Variants in MTX2 observed in about 807,000 individuals in gnomAD.
The protein encoded by MTX2 is metaxin 2, also known as metaxin-2.
A neutral mutation model predicts 42.3 loss-of-function variants in MTX2; 35 were observed. The ratio of observed to expected loss-of-function variants is 0.83; its 90% CI spans 0.63 to 1.10. The LOEUF (loss-of-function observed/expected upper bound fraction) is 1.10, where lower values mean the gene tolerates loss of function less well. Among genes scored for constraint, MTX2 ranks in the 50% least tolerant of loss-of-function variants. The pLI is 0.00. For missense variants in MTX2, 307 were observed against 304.1 expected (o/e 1.01, Z -0.07); for synonymous variants, 119 against 100.9 (o/e 1.18, Z -1.08).
At chr2:176,311,685 C>T (rs928601053) in intron 3 of MTX2, among the ~76,000 whole-genome samples, 1 of 152,238 alleles carries the variant, frequency 6.6e-6, no homozygotes, top group African/African-American at 2.4e-5. Flanking sequence ...GAGCAAGGCT[C>T]TGTGGGCGTG....
intron 3 of MTX2, among the ~76,000 whole-genome samples, chr2:176,312,718 C>G (rs1684343970): frequency 6.6e-6 from 1 of 151,652 alleles, no homozygotes; most frequent in African/African-American, 2.4e-5. Context: ...AAAAAATTAG[C>G]CAGGGGTGGT....
At position 176,322,665 on chromosome 2, in the gene MTX2, A is replaced by C. The variant is rs552934367; in HGVS notation, c.136-727A>C. On this transcript the variant is annotated intron_variant, in intron 3 of 9. Transcript: ENST00000249442. ...TAAAAATGAATTAGTGTGATCTAGT[A>C]ATAGAGTTTTGCATTTTTTTACTTA... Among the ~76,000 whole-genome samples, 3 of 152,094 alleles carry C rather than the reference A, an allele frequency of 2.0e-5. No homozygotes were observed. The South Asian group carries it at 6.2e-4, about 32-fold the overall frequency.
intron 9 of MTX2, among the ~76,000 whole-genome samples, chr2:176,336,743 AT>A (rs905387734): frequency 6.6e-6 from 1 of 152,068 alleles, no homozygotes; most frequent in Non-Finnish European, 1.5e-5. Context: ...AGCAAATCAT[AT>A]TTTTTTTCCA....
At chr2:176,316,525 C>T (rs1174070131) in intron 3 of MTX2, among the ~76,000 whole-genome samples, 6 of 152,100 alleles carry the variant, frequency 3.9e-5, no homozygotes, top group Admixed American at 3.9e-4. Context: ...CCTCAGCCTC[C>T]CAAGTAGCTG....
At chr2:176,290,422 CA>C (rs1693300811) in intron 1 of MTX2, among the ~76,000 whole-genome samples, 1 of 152,018 alleles carries the variant, frequency 6.6e-6, no homozygotes, top group South Asian at 2.1e-4. Flanking sequence ...GGGTTTCCTG[CA>C]AAAACTTCAA....
intron 3 of MTX2, among the ~76,000 whole-genome samples, chr2:176,300,716 A>G (rs1393684690): frequency 4.6e-5 from 7 of 152,172 alleles, no homozygotes; most frequent in Non-Finnish European, 7.4e-5. Context: ...AAAAAACAGC[A>G]AACCCTAAAT....
intron 3 of MTX2, among the ~76,000 whole-genome samples, chr2:176,306,604 A>T (rs1258926622): frequency 6.6e-6 from 1 of 152,156 alleles, no homozygotes; most frequent in African/African-American, 2.4e-5. Flanking sequence ...TTGCCATTCT[A>T]ACTGGCATGA....
chr2:176,290,619 C>T (rs1693305220), intron 1 of MTX2, among the ~76,000 whole-genome samples: 1 of 152,064 alleles, frequency 6.6e-6, no homozygotes, highest in Admixed American at 6.6e-5. Context: ...TAATAATTCT[C>T]ATGATTCATA....
At chr2:176,302,748 A>G (rs1414452072) in intron 3 of MTX2, among the ~76,000 whole-genome samples, 1 of 152,090 alleles carries the variant, frequency 6.6e-6, no homozygotes, top group Admixed American at 6.6e-5. Flanking sequence ...AAAAGTCAGC[A>G]TTTTTATAGG....
intron 3 of MTX2, among the ~76,000 whole-genome samples, chr2:176,300,991 C>T (rs2105417377): frequency 6.6e-6 from 1 of 152,148 alleles, no homozygotes; most frequent in East Asian, 1.9e-4. Flanking sequence ...CTTCATAGTA[C>T]CTGAAAACAC....
intron 3 of MTX2, among the ~76,000 whole-genome samples, chr2:176,300,938 A>T (rs2105417318): frequency 1.3e-5 from 2 of 152,260 alleles, no homozygotes; most frequent in South Asian, 4.1e-4. Flanking sequence ...TTTGAAAGAA[A>T]TACACGTATT....
At chr2:176,311,901 G>C (rs115685698) in intron 3 of MTX2, among the ~76,000 whole-genome samples, 1,605 of 152,272 alleles carry the variant, frequency 0.011, 30 homozygotes, top group African/African-American at 0.037. Flanking sequence ...CCCTCCATGG[G>C]CTGCACCCAC....
In MTX2 at chr2:176,301,949, C is replaced by G. The variant is rs565255991; in HGVS notation, c.135+4054C>G. On this transcript the variant is annotated intron_variant, in intron 3 of 9. Transcript: ENST00000249442. ...AAGATGTCAAATACAGAATTAGTGC[C>G]TATTTTGACTTCAAAGATTTATGTA... is the stretch of plus-strand genomic sequence containing the variant. 3.3e-5 allele frequency among the ~76,000 whole-genome samples: 5 copies of G among 152,144 alleles called. No individual in the cohort carries two copies. In the South Asian group the frequency reaches 1.0e-3, roughly 32 times the overall value.
chr2:176,296,885 T>A lies in MTX2; in HGVS notation c.66T>A (p.Ala22=), dbSNP rs764011871. ...IAAAEPWPEN[A]TLYQQLKGEQ... The stretch of plus-strand genomic sequence containing the variant: ...CTGCAGAACCTTGGCCTGAAAATGC[T>A]ACATTATATCAGCAATTGAAAGGTA... The change falls in exon 2 of 10, where the codon GCT becomes GCA. Residue 22 remains alanine, a synonymous_variant. Coordinates refer to ENST00000249442, the MANE Select transcript of MTX2 (RefSeq NM_006554.5). 1 of 1,613,614 alleles carries A rather than the reference T, an allele frequency of 6.2e-7. No homozygotes were observed. Among genetic ancestry groups the A allele is most frequent in the Non-Finnish European group, 8.5e-7 (1 of 1,179,676 alleles).
intron 3 of MTX2, among the ~76,000 whole-genome samples, chr2:176,319,387 A>G (rs994520772): frequency 2.0e-4 from 29 of 146,564 alleles, no homozygotes; most frequent in African/African-American, 7.1e-4. Context: ...AAACCTTGCT[A>G]TTGTTTTAGG....
chr2:176,320,496 T>C (rs1239642571), intron 3 of MTX2, among the ~76,000 whole-genome samples: 1 of 152,148 alleles, frequency 6.6e-6, no homozygotes, highest in Non-Finnish European at 1.5e-5. Context: ...CAATCCCTTC[T>C]TAGTTTTTCA....
chr2:176,329,201 T>G, intron 7 of MTX2, 100 bp from the exon 8 acceptor site: 1 of 1,384,384 alleles, frequency 7.2e-7, no homozygotes, highest in Non-Finnish European at 9.7e-7. Context: ...ATTGCTCTAT[T>G]TATGTTCTCT....
chr2:176,331,404 T>C (rs1684860011), intron 9 of MTX2, among the ~76,000 whole-genome samples: 1 of 151,142 alleles, frequency 6.6e-6, no homozygotes, highest in Non-Finnish European at 1.5e-5. Flanking sequence ...CTTGACATTT[T>C]AATAAAAATT....
intron 1 of MTX2, among the ~76,000 whole-genome samples, chr2:176,290,863 A>G (rs1460362579): frequency 1.3e-5 from 2 of 151,734 alleles, no homozygotes; most frequent in Non-Finnish European, 2.9e-5. Context: ...TTACCTTTGC[A>G]CTAACACTAA....
Sources: gnomAD v4.1 joint callset for allele counts (sites outside exome capture counted in the v4.1 genomes callset) on GRCh38, gnomAD v4.1.1 for gene constraint, MANE v1.5 for transcripts, NCBI Gene and HGNC (gene_info 2026-07-23, HGNC 2026-07-21) for gene names.